The following HOXA3 variants were observed in gnomAD, a reference collection of about 807,000 sequenced individuals.
HOXA3 encodes the protein homeobox protein Hox-A3.
HOXA3 carries 8 observed loss-of-function variants against 30.3 expected under a neutral mutation model. The observed-to-expected ratio is 0.26, with a 90% CI of 0.15 to 0.48. HOXA3 has a LOEUF of 0.48. Among genes scored for constraint, HOXA3 ranks in the 20% least tolerant of loss-of-function variants. The pLI, the probability that HOXA3 is intolerant of heterozygous loss-of-function variation, is 0.99. For missense variants in HOXA3, 653 were observed against 614.4 expected, an observed-to-expected ratio of 1.06 and a Z score of -0.66; for synonymous variants, 323 against 273.1, an observed-to-expected ratio of 1.18 and a Z score of -1.80.
chr7:27,110,347 C>A lies in HOXA3; in HGVS notation c.294G>T (p.Ala98=). The change falls in exon 5 of 6, where the codon GCG becomes GCT. Residue 98 remains alanine (A), a synonymous_variant. Coordinates refer to ENST00000612286, the MANE Select transcript of HOXA3 (RefSeq NM_153631.3). The part of the protein sequence containing the change: ...PPLHPPPPQA[A]PPAPQPPQPA... Reference sequence around the variant, plus strand: ...GCTGAGGCGGCTGTGGGGCAGGGGGCGCGGCCTGGGGCGGCGGCGGGTGCA... The same window carrying A: ...GCTGAGGCGGCTGTGGGGCAGGGGGAGCGGCCTGGGGCGGCGGCGGGTGCA... The A allele has an allele frequency of 6.7e-7, 1 of 1,501,004 alleles. No individual in the cohort carries two copies. Among genetic ancestry groups the A allele is most frequent in the Non-Finnish European group, 8.9e-7 (1 of 1,128,560 alleles). The allele number at this position is 1,501,004 out of a possible 1,614,324, so 93.0% of individuals were successfully genotyped here.
chr7:27,131,342 C>A (rs1785553628), intron 2 of HOXA3, among the ~76,000 whole-genome samples: 1 of 152,132 alleles, frequency 6.6e-6, no homozygotes, highest in South Asian at 2.1e-4. Context: ...TTTTCTCAAC[C>A]GCAGATCCCC....
At chr7:27,115,150 A>G (rs1248539824) in intron 4 of HOXA3, among the ~76,000 whole-genome samples, 5 of 151,788 alleles carry the variant, frequency 3.3e-5, no homozygotes, top group Non-Finnish European at 7.4e-5. Context: ...TAGTATGTTT[A>G]AACTGTCAAG....
At chr7:27,143,189 C>G in intron 1 of HOXA3, 1 of 1,611,508 alleles carries the variant, frequency 6.2e-7, no homozygotes, top group African/African-American at 1.3e-5. Flanking sequence ...AACCCCCTCT[C>G]TGCTGCTGAT....
At chr7:27,121,291 T>C (rs1345598999) in intron 4 of HOXA3, 3 of 151,236 alleles carry the variant, frequency 2.0e-5, no homozygotes, top group Non-Finnish European at 4.4e-5. Flanking sequence ...ACATGAGATA[T>C]TTCCTGTGGG....
Position 27,110,542 on chromosome 7 carries a change from G to A in HOXA3, c.99C>T (p.Tyr33=). ...GFAYNANQQP[Y]PASAALGADG... ...CGGCGCCCAAAGCGGCGGACGCCGG[G>A]TACGGCTGCTGATTGGCATTATAAG... Residue 33 remains tyrosine, a synonymous_variant, in exon 5 of 6, where the codon TAC becomes TAT. Coordinates refer to ENST00000612286, the MANE Select transcript of HOXA3 (RefSeq NM_153631.3). The A allele has an allele frequency of 1.2e-6, 2 of 1,606,746 alleles. No individual in the cohort carries two copies. The highest frequency in any genetic ancestry group is 1.7e-6 in the Non-Finnish European group (2 of 1,174,972).
In HOXA3 at chr7:27,107,924, G is replaced by A. The variant is rs1784103634; in HGVS notation, c.1323C>T (p.Thr441=). 6.4e-7 allele frequency: 1 copy of A among 1,573,100 alleles called. No individual in the cohort carries two copies. The highest frequency in any genetic ancestry group is 1.1e-5 in the South Asian group (1 of 88,614). Residue 441 remains threonine (T), a synonymous_variant, in exon 6 of 6, where the codon ACC becomes ACT. Transcript: ENST00000612286. The part of the protein sequence containing the change: ...QGRIQEAPKL[T]HL ...AGCCCCAAGCCCACTATCACAGGTGGGTGAGCTTGGGTGCTTCCTGAATTC... is the reference window on the plus strand; with the variant it reads ...AGCCCCAAGCCCACTATCACAGGTGAGTGAGCTTGGGTGCTTCCTGAATTC...
chr7:27,118,587 A>G (rs1384762632), intron 4 of HOXA3, among the ~76,000 whole-genome samples: 1 of 152,234 alleles, frequency 6.6e-6, no homozygotes, highest in African/African-American at 2.4e-5. Flanking sequence ...TGAATGCCAT[A>G]TAAGACATAC....
intron 2 of HOXA3, among the ~76,000 whole-genome samples, chr7:27,135,095 G>A (rs867663267): frequency 6.6e-6 from 1 of 151,756 alleles, no homozygotes; most frequent in Non-Finnish European, 1.5e-5. Flanking sequence ...CATGAGGCAT[G>A]GTTCTAGTCG....
chr7:27,111,344 C>T (rs1784362941), intron 4 of HOXA3, among the ~76,000 whole-genome samples: 1 of 152,168 alleles, frequency 6.6e-6, no homozygotes, highest in Non-Finnish European at 1.5e-5. Context: ...GGCAATTTGC[C>T]CCATCCAACC....
intron 1 of HOXA3, chr7:27,145,868 G>C (rs1460040575): frequency 6.2e-7 from 1 of 1,614,218 alleles, no homozygotes; most frequent in East Asian, 2.2e-5. Flanking sequence ...GTGTCTGGTA[G>C]CGCGTGTAGG....
intron 3 of HOXA3, 196 bp from the exon 4 acceptor site, chr7:27,122,838 T>C (rs1328376190): frequency 6.6e-6 from 1 of 152,192 alleles, no homozygotes; most frequent in African/African-American, 2.4e-5. Context: ...GGTCCGAAGA[T>C]GGTGATTTAT....
intron 1 of HOXA3, chr7:27,147,918 C>T: frequency 1.5e-6 from 1 of 654,300 alleles, no homozygotes; most frequent in Admixed American, 3.0e-5. Flanking sequence ...CGCCGGAGCC[C>T]GCTCCCCGGG....
intron 2 of HOXA3, among the ~76,000 whole-genome samples, chr7:27,139,598 G>A (rs1026781311): frequency 1.3e-5 from 2 of 152,232 alleles, no homozygotes; most frequent in African/African-American, 4.8e-5. Context: ...CCTCGGCCCT[G>A]CCCCGGCCTT....
At chr7:27,143,373 C>G (rs1423674896) in intron 1 of HOXA3, 1 of 1,590,282 alleles carries the variant, frequency 6.3e-7, no homozygotes, top group South Asian at 1.1e-5. Flanking sequence ...GCGGGCGCCG[C>G]GCTGGCGCTG....
At chr7:27,146,046 G>C in intron 1 of HOXA3, 1 of 1,077,962 alleles carries the variant, frequency 9.3e-7, no homozygotes, top group Non-Finnish European at 1.3e-6. Context: ...CTCCCACTAT[G>C]TCTGGGGCCC....
chr7:27,121,115 A>G (rs1562717829), intron 4 of HOXA3: 1 of 152,156 alleles, frequency 6.6e-6, no homozygotes, highest in Non-Finnish European at 1.5e-5. Flanking sequence ...AAACACTGCA[A>G]TCTGATTTCT....
intron 1 of HOXA3, among the ~76,000 whole-genome samples, chr7:27,148,112 C>A (rs1191538008): frequency 1.3e-5 from 2 of 152,274 alleles, no homozygotes; most frequent in Non-Finnish European, 2.9e-5. Flanking sequence ...ATGCTTGGGC[C>A]GCCTCAAAGG....
Position 27,130,747 on chromosome 7 carries a change from G to A in HOXA3, c.-389-3677C>T, listed in dbSNP as rs534305733. The A allele has an allele frequency of 1.1e-4, 175 of 1,600,406 alleles. 1 individual carries two copies. The South Asian group carries it at 1.9e-3, about 17-fold the overall frequency. ...GCTCATGGTCATTAATTTGTGAAGT[G>A]CAAAAATACTAATTTTTCTCGCGTT... On this transcript the variant is annotated intron_variant, in intron 2 of 5. Transcript: ENST00000612286.
At chr7:27,110,067 G>T in intron 5 of HOXA3, 48 bp downstream of exon 5, 2 of 1,611,710 alleles carry the variant, frequency 1.2e-6, no homozygotes, top group South Asian at 2.2e-5. Context: ...GTAGCTTGGG[G>T]ACCAGGAGCC....
Sources: gnomAD v4.1 joint callset for allele counts (sites outside exome capture counted in the v4.1 genomes callset) on GRCh38, gnomAD v4.1.1 for gene constraint, MANE v1.5 for transcripts, NCBI Gene and HGNC (gene_info 2026-07-23, HGNC 2026-07-21) for gene names.